The following MTF2 variants were observed in gnomAD, a reference collection of about 807,000 sequenced individuals.
The protein encoded by MTF2 is metal-response element-binding transcription factor 2.
In MTF2, 11 loss-of-function variants were observed where a neutral mutation model predicts 79.5. The ratio of observed to expected loss-of-function variants is 0.14; its 90% CI spans 0.09 to 0.23. The LOEUF (loss-of-function observed/expected upper bound fraction) is 0.23, where lower values mean the gene tolerates loss of function less well. Ranked by LOEUF, MTF2 falls within the 10% of genes least tolerant of loss-of-function variation. The pLI is 1.00. For synonymous variants in MTF2, 208 were observed against 232.8 expected, an observed-to-expected ratio of 0.89 and a Z score of 0.97; for missense variants, 486 against 711.2, an observed-to-expected ratio of 0.68 and a Z score of 3.60.
intron 11 of MTF2, among the ~76,000 whole-genome samples, chr1:93,130,693 G>A (rs1006159871): frequency 6.6e-6 from 1 of 152,174 alleles, no homozygotes; most frequent in Non-Finnish European, 1.5e-5. Flanking sequence ...TGATATGAGG[G>A]CTTGTGCAGA....
rs898192768 is a variant in MTF2, at chr1:93,092,197, C to CT, written c.5+12667dup. 1.5e-3 allele frequency among the ~76,000 whole-genome samples: 226 copies of CT among 152,214 alleles called. 1 individual carries two copies. The highest frequency in any genetic ancestry group is 5.4e-3 in the African/African-American group (223 of 41,552). ...ATGGATGTAATATTTTCTCATATCTCTGAGGATATTAATTGGTTATTGAAA... is the reference window on the plus strand; with the variant it reads ...ATGGATGTAATATTTTCTCATATCTCTTGAGGATATTAATTGGTTATTGAAA... On this transcript the variant is annotated intron_variant, in intron 1 of 14. Transcript: ENST00000370298.
rs182958000 is a variant in MTF2, at chr1:93,108,853, G to A, written c.6-1377G>A. Reference sequence around the variant, plus strand: ...TCCCCATTCTTCCTAGCCGTTGGCCGCCATTCTGTTTTCCATCTCTATGAC... The same window carrying A: ...TCCCCATTCTTCCTAGCCGTTGGCCACCATTCTGTTTTCCATCTCTATGAC... On this transcript the variant is annotated intron_variant, in intron 1 of 14. Transcript: ENST00000370298. Among the ~76,000 whole-genome samples, 31 of 152,058 alleles carry A rather than the reference G, an allele frequency of 2.0e-4. No homozygotes were observed. The East Asian group carries it at 3.7e-3, about 18-fold the overall frequency.
intron 1 of MTF2, among the ~76,000 whole-genome samples, chr1:93,109,566 C>A (rs189774948): frequency 6.6e-6 from 1 of 152,110 alleles, no homozygotes; most frequent in African/African-American, 2.4e-5. Flanking sequence ...AACTCCTGGC[C>A]TCAGGTGATC....
chr1:93,107,448 A>G (rs1026658062), intron 1 of MTF2, among the ~76,000 whole-genome samples: 1 of 151,318 alleles, frequency 6.6e-6, no homozygotes, highest in Non-Finnish European at 1.5e-5. Context: ...CTTGTCTTGA[A>G]CTCCTGGCCT....
Position 93,119,061 on chromosome 1 carries a change from A to G in MTF2, c.729-272A>G, listed in dbSNP as rs542146651. On this transcript the variant is annotated intron_variant, in intron 7 of 14. Transcript: ENST00000370298. ...GGCACACACAAGCGATTAGTAAACT[A>G]TAAGTACGTGTGAGTCTGTGTGTGA... Among the ~76,000 whole-genome samples, 28 of 152,374 alleles carry G rather than the reference A, an allele frequency of 1.8e-4. No homozygotes were observed. The East Asian group carries it at 1.9e-3, about 10-fold the overall frequency.
intron 6 of MTF2, among the ~76,000 whole-genome samples, chr1:93,117,017 T>C (rs1490740280): frequency 1.3e-5 from 2 of 152,082 alleles, no homozygotes; most frequent in Admixed American, 6.5e-5. Context: ...CCATGAAAGA[T>C]ACAATATTAA....
intron 9 of MTF2, among the ~76,000 whole-genome samples, chr1:93,123,324 T>C (rs1428676431): frequency 2.0e-5 from 3 of 148,494 alleles, no homozygotes; most frequent in Non-Finnish European, 4.5e-5. Flanking sequence ...CATACATAGC[T>C]CACTGAAGCC....
At chr1:93,122,857 TAAAG>T (rs749183177) in intron 9 of MTF2, among the ~76,000 whole-genome samples, 11 of 152,140 alleles carry the variant, frequency 7.2e-5, no homozygotes, top group African/African-American at 1.4e-4. Context: ...TTTTTAATAA[TAAAG>T]AGATGATAAA....
chr1:93,102,424 T>A (rs952128675), intron 1 of MTF2, among the ~76,000 whole-genome samples: 14 of 151,936 alleles, frequency 9.2e-5, no homozygotes, highest in African/African-American at 3.4e-4. Flanking sequence ...CTACTAAAAA[T>A]TATTTTTAAA....
intron 1 of MTF2, among the ~76,000 whole-genome samples, chr1:93,090,975 T>C (rs1269258220): frequency 6.6e-6 from 1 of 152,164 alleles, no homozygotes; most frequent in Non-Finnish European, 1.5e-5. Context: ...TTTTTCCTAG[T>C]TTTAACAACT....
intron 9 of MTF2, chr1:93,121,656 T>C (rs1656485596): frequency 2.1e-6 from 2 of 963,676 alleles, no homozygotes; most frequent in Non-Finnish European, 1.2e-6. Flanking sequence ...TGAAATTCAA[T>C]TGATGAATTT....
chr1:93,110,150 A>T (rs1655970112), intron 1 of MTF2, 80 bp from the exon 2 acceptor site: 2 of 1,329,988 alleles, frequency 1.5e-6, no homozygotes, highest in Admixed American at 2.2e-5. Flanking sequence ...TAAAACTTTG[A>T]TTAACATATA....
chr1:93,091,296 T>C (rs1490134767), intron 1 of MTF2, among the ~76,000 whole-genome samples: 2 of 152,242 alleles, frequency 1.3e-5, no homozygotes, highest in Non-Finnish European at 2.9e-5. Flanking sequence ...ATCCTTGTAT[T>C]TCTCTGGTGA....
chr1:93,079,620 A>T, intron 1 of MTF2, 89 bp downstream of exon 1: 17 of 1,505,016 alleles, frequency 1.1e-5, no homozygotes, highest in Non-Finnish European at 1.5e-5. Context: ...TAAAAGGGAA[A>T]GATGGAGGAC....
At position 93,084,529 on chromosome 1, in the gene MTF2, C is replaced by T. The variant is rs571594200; in HGVS notation, c.5+4998C>T. On this transcript the variant is annotated intron_variant, in intron 1 of 14. Coordinates refer to ENST00000370298, the MANE Select transcript of MTF2 (RefSeq NM_007358.4). The stretch of plus-strand genomic sequence containing the variant: ...CAATCTGTGAGTCTGTGCAAAAAAA[C>T]GCAGCTGGGATTTTGGTAGGTATTG... Among the ~76,000 whole-genome samples the T allele has an allele frequency of 1.1e-4, 16 of 152,192 alleles. No individual in the cohort carries two copies. In the South Asian group the frequency reaches 2.9e-3, roughly 28 times the overall value.
chr1:93,114,853 C>A, intron 4 of MTF2, 70 bp downstream of exon 4: 3 of 1,317,950 alleles, frequency 2.3e-6, no homozygotes, highest in South Asian at 1.3e-5. Flanking sequence ...ACTAAAAATA[C>A]TTTACATTGA....
At chr1:93,115,665 C>T (rs754037748) in intron 6 of MTF2, 47 bp downstream of exon 6, 3 of 1,434,570 alleles carry the variant, frequency 2.1e-6, no homozygotes, top group Admixed American at 2.3e-5. Flanking sequence ...TTTTTATTTA[C>T]TTATCTATTT....
chr1:93,091,255 A>AT (rs1557542210), intron 1 of MTF2, among the ~76,000 whole-genome samples: 1 of 151,998 alleles, frequency 6.6e-6, no homozygotes, highest in South Asian at 2.1e-4. Context: ...GTATTTTCTC[A>AT]TTTTTTTGGT....
intron 1 of MTF2, among the ~76,000 whole-genome samples, chr1:93,080,544 G>T (rs915486663): frequency 6.6e-6 from 1 of 152,176 alleles, no homozygotes; most frequent in Non-Finnish European, 1.5e-5. Context: ...ACTTAAATGT[G>T]AAAACCTAGC....
Sources: gnomAD v4.1 joint callset for allele counts (sites outside exome capture counted in the v4.1 genomes callset) on GRCh38, gnomAD v4.1.1 for gene constraint, MANE v1.5 for transcripts, NCBI Gene and HGNC (gene_info 2026-07-23, HGNC 2026-07-21) for gene names.